GRIA1: variants seen among roughly 807,000 people sequenced by gnomAD.
The protein encoded by GRIA1 is glutamate receptor 1.
A neutral mutation model predicts 99.2 loss-of-function variants in GRIA1; 31 were observed. That is an observed-to-expected ratio of 0.31 (90% CI 0.23 to 0.42). GRIA1 has a LOEUF of 0.42. Ranked by LOEUF, GRIA1 falls within the 10% of genes least tolerant of loss-of-function variation. GRIA1 has a pLI of 1.00. For missense variants in GRIA1, 782 were observed against 1,157.5 expected (o/e 0.68, Z 4.71); for synonymous variants, 438 against 432.4 (o/e 1.01, Z -0.16).
intron 13 of GRIA1, among the ~76,000 whole-genome samples, chr5:153,790,180 T>C (rs1461226): frequency 0.72 from 109,249 of 152,040 alleles, 39,744 homozygotes; most frequent in East Asian, 0.96. Context: ...AGGAGGCTAA[T>C]GCATTTGGAA....
At chr5:153,546,466 A>G (rs1452836971) in intron 2 of GRIA1, among the ~76,000 whole-genome samples, 1 of 152,218 alleles carries the variant, frequency 6.6e-6, no homozygotes, top group Non-Finnish European at 1.5e-5. Flanking sequence ...AATAATTATT[A>G]CCGATGATGA....
At chr5:153,620,115 A>T (rs1013000702) in intron 2 of GRIA1, among the ~76,000 whole-genome samples, 2 of 152,218 alleles carry the variant, frequency 1.3e-5, no homozygotes, top group Non-Finnish European at 2.9e-5. Flanking sequence ...AGATGCAAAT[A>T]CAAAATGCAA....
chr5:153,802,323 C>T (rs745541258), intron 14 of GRIA1, 33 bp from the exon 15 acceptor site: 5 of 1,608,600 alleles, frequency 3.1e-6, no homozygotes, highest in East Asian at 2.2e-5. Context: ...TTATTCTTCC[C>T]CCTCCCCTTC....
intron 8 of GRIA1, among the ~76,000 whole-genome samples, chr5:153,688,983 G>T (rs1470615337): frequency 6.6e-6 from 1 of 152,120 alleles, no homozygotes; most frequent in East Asian, 1.9e-4. Flanking sequence ...GCCTCCCAAA[G>T]TGCTGAGATT....
At chr5:153,535,767 T>C (rs932807960) in intron 2 of GRIA1, among the ~76,000 whole-genome samples, 2 of 152,222 alleles carry the variant, frequency 1.3e-5, no homozygotes, top group Admixed American at 1.3e-4. Context: ...CCTAACTCAG[T>C]GGCAGTGCCA....
At chr5:153,661,198 T>C (rs2910264) in intron 5 of GRIA1, among the ~76,000 whole-genome samples, 63,933 of 152,022 alleles carry the variant, frequency 0.42, 14,362 homozygotes, top group Non-Finnish European at 0.5. Flanking sequence ...CTGTTGGCTC[T>C]GTACCTCACA....
intron 13 of GRIA1, among the ~76,000 whole-genome samples, chr5:153,788,105 C>T (rs1174466856): frequency 6.6e-6 from 1 of 151,562 alleles, no homozygotes; most frequent in African/African-American, 2.4e-5. Context: ...AAAATTAGTG[C>T]ATCCAAAGCT....
intron 15 of GRIA1, among the ~76,000 whole-genome samples, chr5:153,809,235 T>A (rs1340183557): frequency 1.3e-5 from 2 of 152,244 alleles, no homozygotes; most frequent in East Asian, 3.8e-4. Context: ...TTATCATATT[T>A]TCATTTTACA....
In GRIA1 at chr5:153,766,474, C is replaced by T. The variant is rs189215808; in HGVS notation, c.2022+1842C>T. Among the ~76,000 whole-genome samples the T allele has an allele frequency of 2.4e-3, 371 of 152,292 alleles. 8 individuals are homozygous for T. The South Asian group carries it at 0.056, about 23-fold the overall frequency. On this transcript the variant is annotated intron_variant, in intron 12 of 15. Transcript: ENST00000285900. ...CACCAGTCCTCAAAGTACTTTTGCACCTATGGTTTCATTTTTGTTTCACCT... is the reference window on the plus strand; with the variant it reads ...CACCAGTCCTCAAAGTACTTTTGCATCTATGGTTTCATTTTTGTTTCACCT...
At chr5:153,555,658 G>C (rs761622420) in intron 2 of GRIA1, among the ~76,000 whole-genome samples, 1 of 152,126 alleles carries the variant, frequency 6.6e-6, no homozygotes, top group Non-Finnish European at 1.5e-5. Flanking sequence ...GGCGGGAAGC[G>C]ATTGATTGGT....
chr5:153,545,962 A>AT lies in GRIA1; in HGVS notation c.220+51901dup, dbSNP rs1759580594. On this transcript the variant is annotated intron_variant, in intron 2 of 15. Transcript: ENST00000285900. Reference sequence around the variant, plus strand: ...TCATCAGTGTCCTGAAACATGTTCAATTTTATGTGTAACTCCTCCCTATTG... The same window carrying AT: ...TCATCAGTGTCCTGAAACATGTTCAATTTTTATGTGTAACTCCTCCCTATTG... Among the ~76,000 whole-genome samples, 4 of 152,274 alleles carry AT rather than the reference A, an allele frequency of 2.6e-5. No individual in the cohort carries two copies. The South Asian group carries it at 8.3e-4, about 32-fold the overall frequency.
In GRIA1 at chr5:153,655,817, A is replaced by G; in HGVS notation, c.646-2A>G. ...TGAGTCTCCACCTATTATGTTTTGT[A>G]GATTATAAAGCTAGAGAAGAATGGC... On this transcript the variant is annotated splice_acceptor_variant, in intron 4 of 15. Transcript: ENST00000285900. LOFTEE classifies it high-confidence loss of function. The G allele has an allele frequency of 6.2e-7, 1 of 1,612,674 alleles. No individual in the cohort carries two copies.
rs957682382 is a variant in GRIA1 at position 153,791,934 on chromosome 5, G to A, written c.2271-2687G>A. 2.0e-5 allele frequency among the ~76,000 whole-genome samples: 3 copies of A among 151,012 alleles called. No individual in the cohort carries two copies. The East Asian group carries it at 5.8e-4, about 29-fold the overall frequency. ...AAAAAAAAAAAAACTACACAGCATT[G>A]AGCATGCTGTAATAAATGTTGTACT... On this transcript the variant is annotated intron_variant, in intron 13 of 15. Coordinates refer to ENST00000285900, the MANE Select transcript of GRIA1 (RefSeq NM_000827.4).
intron 2 of GRIA1, among the ~76,000 whole-genome samples, chr5:153,636,519 C>T (rs1753371149): frequency 6.6e-6 from 1 of 152,180 alleles, no homozygotes; most frequent in Admixed American, 6.5e-5. Flanking sequence ...AAAAGTAGCA[C>T]TGAGTAGTGC....
chr5:153,696,754 A>T (rs545145595), intron 8 of GRIA1, among the ~76,000 whole-genome samples: 1 of 152,318 alleles, frequency 6.6e-6, no homozygotes, highest in East Asian at 1.9e-4. Context: ...CTTTGTATCT[A>T]GAGCCAGCAG....
chr5:153,730,894 C>T (rs1194531969), intron 11 of GRIA1, among the ~76,000 whole-genome samples: 1 of 152,072 alleles, frequency 6.6e-6, no homozygotes, highest in Non-Finnish European at 1.5e-5. Flanking sequence ...GCCAAGTGAG[C>T]CAAACCCTGT....
At position 153,655,785 on chromosome 5, in the gene GRIA1, T is replaced by C. The variant is rs1177620059; in HGVS notation, c.646-34T>C. ...GTTGTCGTGGCTTTAACTGTTAGTA[T>C]GATTAATGAGTCTCCACCTATTATG... On this transcript the variant is annotated intron_variant, in intron 4 of 15. Transcript: ENST00000285900. The C allele has an allele frequency of 3.1e-6, 5 of 1,590,692 alleles. No individual in the cohort carries two copies. In the Admixed American group the frequency reaches 8.3e-5, roughly 27 times the overall value.
chr5:153,742,531 G>T (rs978594870), intron 11 of GRIA1, among the ~76,000 whole-genome samples: 5 of 152,262 alleles, frequency 3.3e-5, no homozygotes, highest in African/African-American at 1.2e-4. Context: ...GGTGATATTT[G>T]TTTCTGGGAC....
Position 153,807,031 on chromosome 5 carries a change from T to A in GRIA1, c.2521-3994T>A, listed in dbSNP as rs142285276. Among the ~76,000 whole-genome samples the A allele has an allele frequency of 2.7e-3, 418 of 152,352 alleles. 3 individuals are homozygous for A. Among genetic ancestry groups the A allele is most frequent in the African/African-American group, 9.7e-3 (403 of 41,592 alleles). On this transcript the variant is annotated intron_variant, in intron 15 of 15. Coordinates refer to ENST00000285900, the MANE Select transcript of GRIA1 (RefSeq NM_000827.4). ...ATCATTTTTGAGCACCTATTCTCTG[T>A]TCTTCCAGTCCCAGCCACAGTGCTG...
Sources: gnomAD v4.1 joint callset for allele counts (sites outside exome capture counted in the v4.1 genomes callset) on GRCh38, gnomAD v4.1.1 for gene constraint, MANE v1.5 for transcripts, NCBI Gene and HGNC (gene_info 2026-07-23, HGNC 2026-07-21) for gene names.